The following EPHA3 variants were observed in gnomAD, a reference collection of about 807,000 sequenced individuals.
EPHA3 encodes the protein ephrin type-A receptor 3.
EPHA3 carries 42 observed loss-of-function variants against 107.1 expected under a neutral mutation model. That is an observed-to-expected ratio of 0.39 (90% CI 0.31 to 0.51). EPHA3 has a LOEUF of 0.51. Ranked by LOEUF, EPHA3 falls within the 20% of genes least tolerant of loss-of-function variation. The probability of loss-of-function intolerance (pLI) is 0.78; values close to 1 mark genes in which losing one functional copy is unlikely to be tolerated. For missense variants in EPHA3, 1,183 were observed against 1,211.2 expected (o/e 0.98, Z 0.35); for synonymous variants, 461 against 424.8 (o/e 1.09, Z -1.05).
At position 89,480,147 on chromosome 3, in the gene EPHA3, T is replaced by C. The variant is rs2107582323; in HGVS notation, c.*645T>C. ...TTGAAAAAAGTACATATTTATTTTC[T>C]TTTGAATTGTTTTTATTGTTTTCTA... On this transcript the variant is annotated 3_prime_UTR_variant, in exon 17 of 17. Coordinates refer to ENST00000336596, the MANE Select transcript of EPHA3 (RefSeq NM_005233.6). 1 of 233,098 alleles carries C rather than the reference T, an allele frequency of 4.3e-6. No individual in the cohort carries two copies. Among genetic ancestry groups the C allele is most frequent in the South Asian group, 1.8e-4 (1 of 5,530 alleles). The allele number at this position is 233,098 out of a possible 1,614,324, so 14.4% of individuals were successfully genotyped here. A position where few individuals can be genotyped will look rare whatever the true frequency, so the allele number is the denominator to read the frequency against.
chr3:89,409,733 T>C (rs1011086007), intron 9 of EPHA3, among the ~76,000 whole-genome samples: 5 of 152,074 alleles, frequency 3.3e-5, no homozygotes, highest in Non-Finnish European at 5.9e-5. Flanking sequence ...TATTTGGTAT[T>C]ACTTTAAAAA....
intron 3 of EPHA3, among the ~76,000 whole-genome samples, chr3:89,212,054 T>C (rs1704114974): frequency 6.6e-6 from 1 of 151,686 alleles, no homozygotes; most frequent in Admixed American, 6.6e-5. Flanking sequence ...GAAATAGAAA[T>C]GCATATAAAA....
intron 3 of EPHA3, among the ~76,000 whole-genome samples, chr3:89,221,162 TA>T (rs1704364148): frequency 6.6e-6 from 1 of 151,318 alleles, no homozygotes; most frequent in African/African-American, 2.5e-5. Flanking sequence ...CAGCCTGCTT[TA>T]CCAGAAATAG....
At chr3:89,339,236 T>C (rs1707460880) in intron 3 of EPHA3, among the ~76,000 whole-genome samples, 1 of 151,912 alleles carries the variant, frequency 6.6e-6, no homozygotes, top group Non-Finnish European at 1.5e-5. Flanking sequence ...CTAGGCCTGG[T>C]GGCGCACGCC....
chr3:89,116,382 G>A (rs754819141), intron 1 of EPHA3, among the ~76,000 whole-genome samples: 3 of 152,200 alleles, frequency 2.0e-5, no homozygotes, highest in East Asian at 1.9e-4. Flanking sequence ...GTAGACTTTA[G>A]TCTCTGTGGA....
At chr3:89,212,594 T>G (rs978478909) in intron 3 of EPHA3, among the ~76,000 whole-genome samples, 3 of 660 alleles carry the variant, frequency 4.5e-3, no homozygotes, top group African/African-American at 0.028. Context: ...AACATCATGA[T>G]TTTTTTTTTT....
At chr3:89,165,810 T>C (rs2107082876) in intron 2 of EPHA3, among the ~76,000 whole-genome samples, 1 of 152,320 alleles carries the variant, frequency 6.6e-6, no homozygotes, top group Middle Eastern at 3.4e-3. Flanking sequence ...GTTCTGGAAC[T>C]TGGTCATGCT....
intron 15 of EPHA3, among the ~76,000 whole-genome samples, chr3:89,460,083 TATTCA>T (rs1710191975): frequency 6.6e-6 from 1 of 152,174 alleles, no homozygotes; most frequent in Admixed American, 6.5e-5. Flanking sequence ...AATGTGTTTC[TATTCA>T]AGTAGTAAGA....
At chr3:89,214,357 C>T (rs929633992) in intron 3 of EPHA3, among the ~76,000 whole-genome samples, 1 of 151,942 alleles carries the variant, frequency 6.6e-6, no homozygotes, top group African/African-American at 2.4e-5. Flanking sequence ...ATTTGAACGT[C>T]ATTATTTTCA....
chr3:89,357,079 G>A (rs970596487), intron 5 of EPHA3, among the ~76,000 whole-genome samples: 4 of 108,596 alleles, frequency 3.7e-5, no homozygotes, highest in Admixed American at 1.4e-4. Flanking sequence ...CTGCACTCCA[G>A]CCTGGTGAAA....
intron 2 of EPHA3, among the ~76,000 whole-genome samples, chr3:89,193,227 A>G (rs1356410310): frequency 6.6e-6 from 1 of 152,062 alleles, no homozygotes; most frequent in Non-Finnish European, 1.5e-5. Flanking sequence ...GAATAAAGAC[A>G]ACAAGATCTT....
intron 15 of EPHA3, among the ~76,000 whole-genome samples, chr3:89,467,277 T>C (rs979747212): frequency 1.3e-5 from 2 of 152,182 alleles, no homozygotes; most frequent in African/African-American, 4.8e-5. Flanking sequence ...TAAATTCAGA[T>C]ACAATTATTA....
At chr3:89,370,983 T>C (rs1708289499) in intron 5 of EPHA3, among the ~76,000 whole-genome samples, 1 of 151,556 alleles carries the variant, frequency 6.6e-6, no homozygotes, top group African/African-American at 2.4e-5. Context: ...GGATATAAAG[T>C]AAGAAAATAA....
chr3:89,451,480 A>C (rs1367570008), intron 15 of EPHA3, among the ~76,000 whole-genome samples: 1 of 152,224 alleles, frequency 6.6e-6, no homozygotes, highest in Non-Finnish European at 1.5e-5. Context: ...GCATTCTCTT[A>C]CAGGCTTTTA....
intron 3 of EPHA3, among the ~76,000 whole-genome samples, chr3:89,257,431 A>G (rs1336984913): frequency 6.6e-6 from 1 of 152,070 alleles, no homozygotes; most frequent in Non-Finnish European, 1.5e-5. Context: ...TCAAAACAAC[A>G]AGGTGATCTT....
At position 89,472,316 on chromosome 3, in the gene EPHA3, A is replaced by G. The variant is rs1032089165; in HGVS notation, c.2691-148A>G. The G allele has an allele frequency of 1.3e-5, 11 of 846,064 alleles. No individual in the cohort carries two copies. The Admixed American group carries it at 2.3e-4, about 17-fold the overall frequency. 52.4% of individuals were successfully genotyped at this position (846,064 alleles called of 1,614,324 possible). On this transcript the variant is annotated intron_variant, in intron 15 of 16. Coordinates refer to ENST00000336596, the MANE Select transcript of EPHA3 (RefSeq NM_005233.6). ...TCCTCCAAGCTGCCAGCTTGAACAG[A>G]TGAAGCTTTCATGGCAGATAAATTC...
chr3:89,441,593 A>T (rs1261051372), intron 13 of EPHA3, among the ~76,000 whole-genome samples: 1 of 152,182 alleles, frequency 6.6e-6, no homozygotes, highest in Non-Finnish European at 1.5e-5. Flanking sequence ...AAGCATCTAC[A>T]TTTTAAAAAT....
intron 13 of EPHA3, among the ~76,000 whole-genome samples, chr3:89,446,070 T>G (rs1709871343): frequency 6.6e-6 from 1 of 152,186 alleles, no homozygotes; most frequent in Non-Finnish European, 1.5e-5. Context: ...TAAAATAAAT[T>G]ACTATACATT....
intron 3 of EPHA3, among the ~76,000 whole-genome samples, chr3:89,215,307 T>C (rs980447766): frequency 6.6e-6 from 1 of 151,932 alleles, no homozygotes; most frequent in Admixed American, 6.6e-5. Context: ...GAGTGCACTA[T>C]CTAAAAAGTA....
Sources: gnomAD v4.1 joint callset for allele counts (sites outside exome capture counted in the v4.1 genomes callset) on GRCh38, gnomAD v4.1.1 for gene constraint, MANE v1.5 for transcripts, NCBI Gene and HGNC (gene_info 2026-07-23, HGNC 2026-07-21) for gene names.